The following LAMP2 variants were observed in gnomAD, a reference collection of about 807,000 sequenced individuals.
The protein encoded by LAMP2 is lysosome-associated membrane glycoprotein 2.
A neutral mutation model predicts 25.6 loss-of-function variants in LAMP2; 4 were observed. The observed-to-expected ratio is 0.16, with a 90% CI of 0.08 to 0.36. The LOEUF is 0.36. LAMP2 is among the 10% of genes least tolerant of loss of function. The pLI is 1.00. For synonymous variants in LAMP2, 108 were observed against 112.7 expected (o/e 0.96, Z 0.27); for missense variants, 272 against 301.4 (o/e 0.90, Z 0.72).
chrX:120,455,454 C>T lies in LAMP2; in HGVS notation c.300G>A (p.Ala100=), dbSNP rs765548221. The T allele has an allele frequency of 7.5e-6, 9 of 1,207,924 alleles. No homozygotes were observed. The highest frequency in any genetic ancestry group is 5.3e-5 in the African/African-American group (3 of 56,889). Residue 100 remains alanine, a synonymous_variant, in exon 3 of 9, where the codon GCG becomes GCA. Transcript: ENST00000200639. ...AAGTAGATGCTGCCTTGGTAAAATT[C>T]GCAATCCAGGAAAAGCCAGGTCCGA... ...VQFGPGFSWI[A]NFTKAASTYS...
intron 8 of LAMP2, among the ~76,000 whole-genome samples, chrX:120,436,170 A>ACACACACACACTCTCTCT (rs1251901451): frequency 1.7e-5 from 1 of 57,307 alleles, no homozygotes; most frequent in African/African-American, 5.0e-5. Context: ...ACACACACAC[A>ACACACACACACTCTCTCT]CTCTCTCTCT....
At chrX:120,437,089 T>C in intron 8 of LAMP2, 16 of 748,731 alleles carry the variant, frequency 2.1e-5, no homozygotes, top group Non-Finnish European at 2.5e-5. Flanking sequence ...ATTACATCTA[T>C]ATTTAATCCC....
At chrX:120,432,306 A>T (rs1397255500) in intron 8 of LAMP2, among the ~76,000 whole-genome samples, 1 of 111,224 alleles carries the variant, frequency 9.0e-6, no homozygotes. Context: ...ACAATGGATC[A>T]AAAGGTATTT....
chrX:120,438,399 T>C (rs1391050023), intron 8 of LAMP2: 5 of 742,840 alleles, frequency 6.7e-6, no homozygotes, highest in Non-Finnish European at 1.6e-6. Context: ...AAAAAATGGA[T>C]TGAAATGCCC....
Position 120,431,092 on chromosome X carries a change from G to T in LAMP2, c.*231C>A. On this transcript the variant is annotated 3_prime_UTR_variant, in exon 9 of 9. Coordinates refer to ENST00000200639, the MANE Select transcript of LAMP2 (RefSeq NM_002294.3). ...AGACCTTAAAACATTGCACGTTGAT[G>T]TTCTTTTGAACAAGTTTGTCTCCAG... 1 of 1,010,096 alleles carries T rather than the reference G, an allele frequency of 9.9e-7. No individual in the cohort carries two copies. Among genetic ancestry groups the T allele is most frequent in the Non-Finnish European group, 1.3e-6 (1 of 793,447 alleles). 83.2% of individuals were successfully genotyped at this position (1,010,096 alleles called of 1,213,427 possible).
At chrX:120,457,246 G>A (rs1921133854) in intron 1 of LAMP2, among the ~76,000 whole-genome samples, 1 of 111,193 alleles carries the variant, frequency 9.0e-6, no homozygotes, top group African/African-American at 3.3e-5. Context: ...CAAACCAGCT[G>A]GTGAAACATT....
In LAMP2 at chrX:120,456,733, G is replaced by T; in HGVS notation, c.101C>A (p.Thr34Lys). 8.5e-7 allele frequency: 1 copy of T among 1,182,565 alleles called. No homozygotes were observed. The highest frequency in any genetic ancestry group is 1.1e-6 in the Non-Finnish European group (1 of 873,165). ...VRSYALELNL[T>K]DSENATCLYA... ...AAGGCAAGTGGCATTTTCTGAATCT[G>T]TCAAATTAAGTTCCAATGCATAAGA... Residue 34 changes from threonine to lysine, a missense_variant, in exon 2 of 9, where the codon ACA becomes AAA. Transcript: ENST00000200639.
At chrX:120,436,755 G>A (rs2058546736) in intron 8 of LAMP2, 1 of 708,726 alleles carries the variant, frequency 1.4e-6, no homozygotes, top group Non-Finnish European at 1.7e-6. Context: ...TGTAGCTATA[G>A]GAAATAATAG....
chrX:120,436,189 G>GTC (rs1157467241), intron 8 of LAMP2, among the ~76,000 whole-genome samples: 7 of 86,408 alleles, frequency 8.1e-5, no homozygotes, highest in Admixed American at 1.2e-4. Context: ...CTCTCTCTCT[G>GTC]TCTCTCTCTC....
In LAMP2 at chrX:120,430,427, T is replaced by C. The variant is rs925059882; in HGVS notation, c.*896A>G. Reference sequence around the variant, plus strand: ...GTACCACACTGATGACAACACTAAATAGATTTTAATGCTCCAGAGATCAAC... The same window carrying C: ...GTACCACACTGATGACAACACTAAACAGATTTTAATGCTCCAGAGATCAAC... On this transcript the variant is annotated 3_prime_UTR_variant, in exon 9 of 9. Coordinates refer to ENST00000200639, the MANE Select transcript of LAMP2 (RefSeq NM_002294.3). The C allele has an allele frequency of 1.0e-4, 78 of 750,823 alleles. No homozygotes were observed. The highest frequency in any genetic ancestry group is 1.2e-4 in the African/African-American group (5 of 43,299). The allele number at this position is 750,823 out of a possible 1,213,427, so 61.9% of individuals were successfully genotyped here.
At position 120,430,763 on chromosome X, in the gene LAMP2, A is replaced by T. The variant is rs1028350037; in HGVS notation, c.*560T>A. ...CAGAGAAATCAGCAAAAGTCACATA[A>T]CCTTTAAAATGCTGATGGTCCTGAG... On this transcript the variant is annotated 3_prime_UTR_variant, in exon 9 of 9. Transcript: ENST00000200639. The T allele has an allele frequency of 1.3e-6, 1 of 752,946 alleles. No individual in the cohort carries two copies. Among genetic ancestry groups the T allele is most frequent in the African/African-American group, 2.3e-5 (1 of 43,205 alleles). 62.1% of individuals were successfully genotyped at this position (752,946 alleles called of 1,213,427 possible).
At chrX:120,440,246 GA>G (rs2147278105) in intron 8 of LAMP2, among the ~76,000 whole-genome samples, 1 of 111,658 alleles carries the variant, frequency 9.0e-6, no homozygotes, top group East Asian at 2.8e-4. Flanking sequence ...GCAAAGTCAA[GA>G]AAACTGGGAC....
At chrX:120,443,938 G>A (rs1159546109) in intron 6 of LAMP2, among the ~76,000 whole-genome samples, 8 of 108,318 alleles carry the variant, frequency 7.4e-5, no homozygotes, top group African/African-American at 1.0e-4. Context: ...CTGAGGTCTC[G>A]CTACTGCACT....
Position 120,428,335 on chromosome X carries a change from A to G in LAMP2, c.*2988T>C. 1 of 705,661 alleles carries G rather than the reference A, an allele frequency of 1.4e-6. No individual in the cohort carries two copies. The highest frequency in any genetic ancestry group is 1.9e-6 in the Non-Finnish European group (1 of 530,288). 58.2% of individuals were successfully genotyped at this position (705,661 alleles called of 1,213,427 possible). A position where few individuals can be genotyped will look rare whatever the true frequency, so the allele number is the denominator to read the frequency against. On this transcript the variant is annotated 3_prime_UTR_variant, in exon 9 of 9. Transcript: ENST00000200639. The stretch of plus-strand genomic sequence containing the variant: ...TTGGTCCTAATATATTTTGTCTTAA[A>G]TAAGTGTACTCATGCCCAAGTTAGC...
Position 120,428,212 on chromosome X carries a change from A to G in LAMP2, c.*3111T>C. ...TCAGCAAAAATGCTTTCATAATTGG[A>G]TCCAGGGGCTTAAAATCATTATTTA... On this transcript the variant is annotated 3_prime_UTR_variant, in exon 9 of 9. Coordinates refer to ENST00000200639, the MANE Select transcript of LAMP2 (RefSeq NM_002294.3). 4.7e-6 allele frequency: 1 copy of G among 214,998 alleles called. No individual in the cohort carries two copies. The allele number at this position is 214,998 out of a possible 1,213,427, so 17.7% of individuals were successfully genotyped here. A position where few individuals can be genotyped will look rare whatever the true frequency, so the allele number is the denominator to read the frequency against.
chrX:120,441,976 C>G (rs1244456864), intron 7 of LAMP2, 82 bp from the exon 8 acceptor site: 3 of 908,476 alleles, frequency 3.3e-6, no homozygotes, highest in East Asian at 3.1e-5. Context: ...CAGTGGCTCA[C>G]GCCTGTAATT....
Position 120,447,665 on chromosome X carries a change from G to A in LAMP2, c.741+176C>T, listed in dbSNP as rs779251379. Among the ~76,000 whole-genome samples the A allele has an allele frequency of 1.0e-4, 11 of 105,744 alleles. No homozygotes were observed. In the East Asian group the frequency reaches 3.0e-3, roughly 29 times the overall value. The allele number at this position is 105,744 out of a possible 115,157, so 91.8% of individuals were successfully genotyped here. ...GCGGAGTTTGCAGTGAGCTGAGATCGCACCACTGCACTCCAGCCTGGGGGA... is the reference window on the plus strand; with the variant it reads ...GCGGAGTTTGCAGTGAGCTGAGATCACACCACTGCACTCCAGCCTGGGGGA... On this transcript the variant is annotated intron_variant, in intron 5 of 8. Coordinates refer to ENST00000200639, the MANE Select transcript of LAMP2 (RefSeq NM_002294.3).
Position 120,428,452 on chromosome X carries a change from G to A in LAMP2, c.*2871C>T, listed in dbSNP as rs1174515796. On this transcript the variant is annotated 3_prime_UTR_variant, in exon 9 of 9. Coordinates refer to ENST00000200639, the MANE Select transcript of LAMP2 (RefSeq NM_002294.3). The stretch of plus-strand genomic sequence containing the variant: ...GCCAATGGAAACGTAACTTCTAATT[G>A]AAAAAAACAAACAAACACTAGATTT... 17 of 1,144,994 alleles carry A rather than the reference G, an allele frequency of 1.5e-5. No homozygotes were observed. The highest frequency in any genetic ancestry group is 1.8e-5 in the Non-Finnish European group (16 of 866,933). The allele number at this position is 1,144,994 out of a possible 1,213,427, so 94.4% of individuals were successfully genotyped here. A position where few individuals can be genotyped will look rare whatever the true frequency, so the allele number is the denominator to read the frequency against.
Position 120,428,652 on chromosome X carries a change from G to A in LAMP2, c.*2671C>T, listed in dbSNP as rs750418202. On this transcript the variant is annotated 3_prime_UTR_variant, in exon 9 of 9. Transcript: ENST00000200639. The stretch of plus-strand genomic sequence containing the variant: ...CTGTTAGAAAAGAACAGACAGCAAG[G>A]AAAGGAAATTAGCAAAGAATGCAAT... The A allele has an allele frequency of 1.7e-6, 2 of 1,152,564 alleles. No homozygotes were observed. Among genetic ancestry groups the A allele is most frequent in the Middle Eastern group, 2.4e-4 (1 of 4,251 alleles). The allele number at this position is 1,152,564 out of a possible 1,213,427, so 95.0% of individuals were successfully genotyped here. A position where few individuals can be genotyped will look rare whatever the true frequency, so the allele number is the denominator to read the frequency against.
Sources: gnomAD v4.1 joint callset for allele counts (sites outside exome capture counted in the v4.1 genomes callset) on GRCh38, gnomAD v4.1.1 for gene constraint, MANE v1.5 for transcripts, NCBI Gene and HGNC (gene_info 2026-07-23, HGNC 2026-07-21) for gene names.